ABCC3: variants seen among roughly 807,000 people sequenced by gnomAD.
ABCC3 encodes the protein ATP-binding cassette sub-family C member 3.
In ABCC3, 121 loss-of-function variants were observed where a neutral mutation model predicts 165.3. The observed-to-expected ratio is 0.73, with a 90% confidence interval of 0.63 to 0.85. ABCC3 has a LOEUF of 0.85. Among genes scored for constraint, ABCC3 ranks in the 40% least tolerant of loss-of-function variants. The pLI, the probability that ABCC3 is intolerant of heterozygous loss-of-function variation, is 0.00. For missense variants in ABCC3, 1,869 were observed against 1,964.1 expected (o/e 0.95, Z 0.92); for synonymous variants, 733 against 810.1 (o/e 0.90, Z 1.62).
Position 50,684,083 on chromosome 17 carries a change from C to G in ABCC3, c.4089C>G (p.Arg1363=). ...CAGACATCGGCCTCCATGACCTGCG[C>G]TCTCAGCTGACCATCATCCCGCAGG... The part of the protein sequence containing the change: ...NVADIGLHDL[R]SQLTIIPQDP... Residue 1363 remains arginine (R), a synonymous_variant, in exon 28 of 31, where the codon CGC becomes CGG. Transcript: ENST00000285238. The G allele has an allele frequency of 6.2e-7, 1 of 1,613,456 alleles. No individual in the cohort carries two copies. Among genetic ancestry groups the G allele is most frequent in the Non-Finnish European group, 8.5e-7 (1 of 1,179,786 alleles).
At chr17:50,657,619 G>A (rs1967280203) in intron 4 of ABCC3, among the ~76,000 whole-genome samples, 1 of 152,192 alleles carries the variant, frequency 6.6e-6, no homozygotes, top group Admixed American at 6.5e-5. Context: ...GTGATGTTGG[G>A]CTGGTGGGAT....
At chr17:50,653,358 A>G (rs1000164889) in intron 1 of ABCC3, among the ~76,000 whole-genome samples, 40 of 151,140 alleles carry the variant, frequency 2.6e-4, no homozygotes, top group East Asian at 1.2e-3. Flanking sequence ...AAAAAAAAAA[A>G]AAAAAGAAAA....
chr17:50,656,222 A>T (rs1967240825), intron 2 of ABCC3, among the ~76,000 whole-genome samples: 1 of 152,082 alleles, frequency 6.6e-6, no homozygotes, highest in Admixed American at 6.6e-5. Context: ...AGTAGCTGGG[A>T]TTACAGGCAT....
intron 1 of ABCC3, among the ~76,000 whole-genome samples, chr17:50,645,592 ATG>A (rs540139124): frequency 2.0e-5 from 3 of 151,710 alleles, no homozygotes; most frequent in South Asian, 2.1e-4. Flanking sequence ...ATAAACGTGT[ATG>A]TGTGTGTGTG....
chr17:50,671,702 CTTTTTTTTTTTT>C (rs386386244), intron 17 of ABCC3, among the ~76,000 whole-genome samples: 140 of 56,392 alleles, frequency 2.5e-3, no homozygotes, highest in African/African-American at 7.3e-3. Flanking sequence ...TCCTTCCTTC[CTTTTTTTTTTTT>C]TTTTTTTTTT....
At chr17:50,635,612 T>C in intron 1 of ABCC3, 1 of 702,402 alleles carries the variant, frequency 1.4e-6, no homozygotes, top group Non-Finnish European at 2.6e-6. Flanking sequence ...GTGCAGGGTG[T>C]CAGGATTCCT....
chr17:50,645,493 A>G (rs1966988472), intron 1 of ABCC3, among the ~76,000 whole-genome samples: 1 of 152,114 alleles, frequency 6.6e-6, no homozygotes, highest in African/African-American at 2.4e-5. Flanking sequence ...ATGCCATAGT[A>G]AAATGTTTGA....
In ABCC3 at chr17:50,675,898, T is replaced by C; in HGVS notation, c.2875T>C (p.Phe959Leu). ...CTCCCTACAGGTGGAGCTCAGTGTG[T>C]TCTGGGATTATGCCAAGGCCGTGGG... Reference protein sequence around the residue: ...AAIGTVELSVFWDYAKAVGLC... With the variant: ...AAIGTVELSVLWDYAKAVGLC... The change falls in exon 22 of 31, where the codon TTC becomes CTC. Residue 959 changes from phenylalanine (F) to leucine (L), a missense_variant. By Grantham distance (22) the Phe-to-Leu change is conservative. Transcript: ENST00000285238. The C allele has an allele frequency of 5.6e-6, 9 of 1,614,124 alleles. No individual in the cohort carries two copies. Among genetic ancestry groups the C allele is most frequent in the Non-Finnish European group, 7.6e-6 (9 of 1,179,998 alleles).
At chr17:50,658,696 C>T (rs375233517) in intron 6 of ABCC3, 200 bp downstream of exon 6, 13 of 649,008 alleles carry the variant, frequency 2.0e-5, no homozygotes, top group Admixed American at 1.2e-4. Flanking sequence ...GGCCCAGTGC[C>T]GCCCCCAGGC....
intron 29 of ABCC3, among the ~76,000 whole-genome samples, chr17:50,685,516 A>G (rs2146645055): frequency 6.6e-6 from 1 of 152,358 alleles, no homozygotes; most frequent in East Asian, 1.9e-4. Flanking sequence ...AAGGAAAAAC[A>G]AGCAAAATAA....
chr17:50,637,185 C>G (rs1373841392), intron 1 of ABCC3, among the ~76,000 whole-genome samples: 1 of 152,146 alleles, frequency 6.6e-6, no homozygotes, highest in African/African-American at 2.4e-5. Context: ...ACCCCAATCT[C>G]TAAACATCTT....
At chr17:50,663,894 C>T (rs1157649101) in intron 9 of ABCC3, 36 bp downstream of exon 9, 1 of 1,614,210 alleles carries the variant, frequency 6.2e-7, no homozygotes, top group Admixed American at 1.7e-5. Flanking sequence ...AAGGCTGGCC[C>T]TGGGCAGCTT....
intron 10 of ABCC3, 62 bp from the exon 11 acceptor site, chr17:50,665,091 T>A (rs1225502176): frequency 5.5e-6 from 8 of 1,459,354 alleles, no homozygotes; most frequent in African/African-American, 1.4e-5. Flanking sequence ...GCCTGTTGGG[T>A]TCTCTCTGTA....
Position 50,673,441 on chromosome 17 carries a change from G to A in ABCC3, c.2410-28G>A, listed in dbSNP as rs2240801. On this transcript the variant is annotated intron_variant, in intron 18 of 30. Transcript: ENST00000285238. ...CCAGGGGTGTGCTGGAGGGTGGTAGGGGTGAGAGCCTGCTGCCTTCTCCCC... is the reference window on the plus strand; with the variant it reads ...CCAGGGGTGTGCTGGAGGGTGGTAGAGGTGAGAGCCTGCTGCCTTCTCCCC... 2,429 of 1,608,104 alleles carry A rather than the reference G, an allele frequency of 1.5e-3. 55 individuals are homozygous for A. In the East Asian group the frequency reaches 0.036, roughly 24 times the overall value.
chr17:50,669,172 T>G lies in ABCC3; in HGVS notation c.1970T>G (p.Val657Gly). 6.2e-7 allele frequency: 1 copy of G among 1,603,570 alleles called. No homozygotes were observed. The highest frequency in any genetic ancestry group is 8.5e-7 in the Non-Finnish European group (1 of 1,177,166). Residue 657 changes from valine to glycine, a missense_variant, in exon 16 of 31, where the codon GTG becomes GGG. By Grantham distance (109) the Val-to-Gly change is moderately radical. Transcript: ENST00000285238. ...LDIQVPKGAL[V>G]AVVGPVGCGK... ...ATCCAGGTCCCGAAAGGGGCACTGGTGGCCGTGGTGGGGCCTGTGGGCTGT... is the reference window on the plus strand; with the variant it reads ...ATCCAGGTCCCGAAAGGGGCACTGGGGGCCGTGGTGGGGCCTGTGGGCTGT...
Position 50,668,040 on chromosome 17 carries a change from G to C in ABCC3, c.1782+31G>C, listed in dbSNP as rs367665238. On this transcript the variant is annotated intron_variant, in intron 13 of 30. Coordinates refer to ENST00000285238, the MANE Select transcript of ABCC3 (RefSeq NM_003786.4). ...CCTGGGTAGGGCTGGGGGCTCTACT[G>C]GAGTTGGAACAGGTTGTTGGGGTCA... 4 of 1,590,598 alleles carry C rather than the reference G, an allele frequency of 2.5e-6. No individual in the cohort carries two copies. The African/African-American group carries it at 4.0e-5, about 16-fold the overall frequency.
intron 1 of ABCC3, among the ~76,000 whole-genome samples, chr17:50,638,667 C>G (rs891211120): frequency 6.6e-6 from 1 of 152,192 alleles, no homozygotes; most frequent in African/African-American, 2.4e-5. Flanking sequence ...TCTGGGTCTC[C>G]CCTTGGTTAG....
chr17:50,646,841 C>T (rs987549278), intron 1 of ABCC3, among the ~76,000 whole-genome samples: 1 of 152,166 alleles, frequency 6.6e-6, no homozygotes, highest in African/African-American at 2.4e-5. Context: ...GGTTAAGAAC[C>T]TGGGTCAAGA....
At chr17:50,674,976 T>C (rs909280348) in intron 19 of ABCC3, among the ~76,000 whole-genome samples, 1 of 152,006 alleles carries the variant, frequency 6.6e-6, no homozygotes, top group Non-Finnish European at 1.5e-5. Context: ...ATTTTTGTAT[T>C]TTTAGTAGAG....
Sources: allele counts gnomAD v4.1 joint callset (sites outside exome capture counted in the v4.1 genomes callset), GRCh38; gene constraint gnomAD v4.1.1; transcripts MANE v1.5; gene names NCBI Gene and HGNC (gene_info 2026-07-23, HGNC 2026-07-21).